Variants in NRXN1 observed in about 807,000 individuals in gnomAD.
NRXN1 encodes the protein neurexin 1.
Under a neutral mutation model 150.9 loss-of-function variants are expected in NRXN1, and 39 were observed. That is an observed-to-expected ratio of 0.26 (90% confidence interval 0.20 to 0.34). The LOEUF (loss-of-function observed/expected upper bound fraction) is 0.34. Ranked by LOEUF, NRXN1 falls within the 10% of genes least tolerant of loss-of-function variation. The pLI is 1.00. For synonymous variants in NRXN1, 924 were observed against 757.0 expected (o/e 1.22, Z -3.62); for missense variants, 1,815 against 1,949.9 (o/e 0.93, Z 1.30).
intron 12 of NRXN1, among the ~76,000 whole-genome samples, chr2:50,527,005 A>AT (rs2092970244): frequency 6.6e-6 from 1 of 152,228 alleles, no homozygotes; most frequent in Non-Finnish European, 1.5e-5. Flanking sequence ...AATCATTGAT[A>AT]TAGCCACAGA....
rs76852730 is a variant in NRXN1, at chr2:50,378,894, G to A, written c.3364+86548C>T. Among the ~76,000 whole-genome samples, 251 of 152,136 alleles carry A rather than the reference G, an allele frequency of 1.6e-3. 1 individual carries two copies. The highest frequency in any genetic ancestry group is 0.012 in the East Asian group (61 of 5,172). On this transcript the variant is annotated intron_variant, in intron 17 of 22. Coordinates refer to ENST00000401669, the MANE Select transcript of NRXN1 (RefSeq NM_001330078.2). ...TGACTTCACACACATATGGGTTGCC[G>A]GACTTTTCTCTCACTTACATAATTT...
At chr2:50,318,032 T>C (rs866033482) in intron 17 of NRXN1, among the ~76,000 whole-genome samples, 1 of 151,972 alleles carries the variant, frequency 6.6e-6, no homozygotes, top group African/African-American at 2.4e-5. Context: ...CACCAAAATA[T>C]ACCATAAAAA....
At chr2:50,811,722 T>G (rs575801979) in intron 5 of NRXN1, among the ~76,000 whole-genome samples, 1 of 152,312 alleles carries the variant, frequency 6.6e-6, no homozygotes. Flanking sequence ...GCCTTGAATG[T>G]CTTTGTATAA....
At chr2:50,880,033 C>G (rs562579807) in intron 5 of NRXN1, among the ~76,000 whole-genome samples, 19 of 151,958 alleles carry the variant, frequency 1.3e-4, no homozygotes, top group Middle Eastern at 3.4e-3. Context: ...GAAATGAATT[C>G]CAGGGATGTG....
At chr2:50,454,590 T>A (rs2087336141) in intron 17 of NRXN1, among the ~76,000 whole-genome samples, 1 of 151,338 alleles carries the variant, frequency 6.6e-6, no homozygotes, top group East Asian at 2.0e-4. Flanking sequence ...TGATAAAGCA[T>A]AATAAATTAC....
intron 2 of NRXN1, among the ~76,000 whole-genome samples, chr2:50,929,222 G>A (rs534129978): frequency 1.3e-5 from 2 of 152,048 alleles, no homozygotes; most frequent in Non-Finnish European, 2.9e-5. Flanking sequence ...TTAAGTATAC[G>A]GTTCTAGGAA....
intron 5 of NRXN1, among the ~76,000 whole-genome samples, chr2:50,650,600 G>A (rs1444814792): frequency 1.3e-5 from 2 of 151,864 alleles, no homozygotes; most frequent in South Asian, 2.1e-4. Flanking sequence ...AGCTCATTAC[G>A]TGCATGCCTA....
rs1277681412 is a variant in NRXN1, at chr2:50,275,979, C to G, written c.3365-39009G>C. 3.0e-5 allele frequency among the ~76,000 whole-genome samples: 3 copies of G among 98,790 alleles called. No individual in the cohort carries two copies. In the East Asian group the frequency reaches 8.5e-4, roughly 28 times the overall value. The allele number at this position is 98,790 out of a possible 152,430, so 64.8% of individuals were successfully genotyped here. The stretch of plus-strand genomic sequence containing the variant: ...ATAATTATCATATTATTACCCATTC[C>G]TACCTTGCAAAAAAAAAAAAAAAGC... On this transcript the variant is annotated intron_variant, in intron 17 of 22. Transcript: ENST00000401669.
chr2:49,969,703 T>A (rs1017280520), intron 21 of NRXN1: 2 of 152,044 alleles, frequency 1.3e-5, no homozygotes, highest in Admixed American at 6.6e-5. Flanking sequence ...CAACTCTGCT[T>A]AGCTTCTGAG....
intron 2 of NRXN1, among the ~76,000 whole-genome samples, chr2:51,023,307 C>T (rs1483582495): frequency 6.6e-6 from 1 of 152,154 alleles, no homozygotes; most frequent in Non-Finnish European, 1.5e-5. Flanking sequence ...ATCACTTTTA[C>T]AGTAAAGACA....
intron 2 of NRXN1, among the ~76,000 whole-genome samples, chr2:50,926,913 T>C (rs1307773509): frequency 6.6e-6 from 1 of 151,930 alleles, no homozygotes; most frequent in African/African-American, 2.4e-5. Context: ...TTTAAAGTAT[T>C]ATTAGTACCT....
At chr2:50,946,905 C>T (rs948735618) in intron 2 of NRXN1, among the ~76,000 whole-genome samples, 2 of 152,124 alleles carry the variant, frequency 1.3e-5, no homozygotes, top group Admixed American at 6.6e-5. Flanking sequence ...CTTAAACTGT[C>T]CATCAGGAAA....
intron 22 of NRXN1, among the ~76,000 whole-genome samples, chr2:49,936,281 T>C (rs1451236230): frequency 6.6e-6 from 1 of 152,218 alleles, no homozygotes; most frequent in Non-Finnish European, 1.5e-5. Context: ...GTCTAATACC[T>C]AAAGAGACTG....
chr2:50,171,787 T>C (rs2060047761), intron 18 of NRXN1, among the ~76,000 whole-genome samples: 1 of 152,216 alleles, frequency 6.6e-6, no homozygotes, highest in Non-Finnish European at 1.5e-5. Context: ...TTAGCAGGGT[T>C]ACTGACATAC....
chr2:50,473,736 A>C (rs575524853), intron 15 of NRXN1, among the ~76,000 whole-genome samples: 1 of 152,138 alleles, frequency 6.6e-6, no homozygotes, highest in African/African-American at 2.4e-5. Flanking sequence ...AACAAGGAGA[A>C]CTGATACACA....
chr2:50,219,900 CAT>C (rs1299639267), intron 18 of NRXN1, among the ~76,000 whole-genome samples: 7 of 83,572 alleles, frequency 8.4e-5, no homozygotes, highest in African/African-American at 2.1e-4. Flanking sequence ...TATACACACA[CAT>C]ATATATATAA....
intron 18 of NRXN1, among the ~76,000 whole-genome samples, chr2:50,124,189 C>T (rs1022460321): frequency 6.6e-6 from 1 of 151,972 alleles, no homozygotes; most frequent in African/African-American, 2.4e-5. Flanking sequence ...GAATGATCAA[C>T]GATATAAAAT....
chr2:50,834,423 ACAACT>A (rs1309436517), intron 5 of NRXN1, among the ~76,000 whole-genome samples: 1 of 152,152 alleles, frequency 6.6e-6, no homozygotes, highest in Non-Finnish European at 1.5e-5. Context: ...GGGGTTGAAA[ACAACT>A]CAACTGCTAG....
In NRXN1 at chr2:49,943,591, G is replaced by C. The variant is rs1345562; in HGVS notation, c.4216+113C>G. 0.2 allele frequency: 148,502 copies of C among 726,534 alleles called. 16,226 individuals carry two copies. The highest frequency in any genetic ancestry group is 0.31 in the East Asian group (11,428 of 36,996). The allele number at this position is 726,534 out of a possible 1,614,324, so 45.0% of individuals were successfully genotyped here. On this transcript the variant is annotated intron_variant, in intron 22 of 22. Coordinates refer to ENST00000401669, the MANE Select transcript of NRXN1 (RefSeq NM_001330078.2). The stretch of plus-strand genomic sequence containing the variant: ...TAAGAGTCCTCATCTCACAATCAAC[G>C]ATGGTATAGGAGGGTAGCCTTCTAT...
Sources: gnomAD v4.1 joint callset for allele counts (sites outside exome capture counted in the v4.1 genomes callset) on GRCh38, gnomAD v4.1.1 for gene constraint, MANE v1.5 for transcripts, NCBI Gene and HGNC (gene_info 2026-07-23, HGNC 2026-07-21) for gene names.